CACNA2D3: variants seen among roughly 807,000 people sequenced by gnomAD.
CACNA2D3 encodes the protein calcium voltage-gated channel auxiliary subunit alpha2delta 3.
In CACNA2D3, 60 loss-of-function variants were observed where a neutral mutation model predicts 160.6. That is an observed-to-expected ratio of 0.37 (90% confidence interval 0.30 to 0.46). The LOEUF is 0.46. Ranked by LOEUF, CACNA2D3 falls within the 20% of genes least tolerant of loss-of-function variation. The pLI, the probability that CACNA2D3 is intolerant of heterozygous loss-of-function variation, is 1.00. For missense variants in CACNA2D3, 1,205 were observed against 1,365.0 expected (o/e 0.88, Z 1.85); for synonymous variants, 558 against 492.9 (o/e 1.13, Z -1.75).
At chr3:54,332,691 A>C (rs1348903586) in intron 3 of CACNA2D3, among the ~76,000 whole-genome samples, 2 of 152,114 alleles carry the variant, frequency 1.3e-5, no homozygotes, top group East Asian at 3.9e-4. Flanking sequence ...TTGAGAGTAG[A>C]GGTGCAATTT....
chr3:54,216,134 C>CGTGTGTGTGT lies in CACNA2D3; in HGVS notation c.204+92551_204+92560dup, dbSNP rs35251785. On this transcript the variant is annotated intron_variant, in intron 2 of 37. Transcript: ENST00000474759. ...ACACTACCCTGCAATTTTAGTTGTA[C>CGTGTGTGTGT]GTGTGTGTGTGTGTGTGTGTATGGT... Among the ~76,000 whole-genome samples the CGTGTGTGTGT allele has an allele frequency of 8.0e-3, 1,199 of 149,490 alleles. 5 individuals carry two copies. Among genetic ancestry groups the CGTGTGTGTGT allele is most frequent in the Non-Finnish European group, 0.013 (893 of 67,254 alleles).
At chr3:54,894,579 G>A (rs762227832) in intron 25 of CACNA2D3, 1 of 513,600 alleles carries the variant, frequency 1.9e-6, no homozygotes. Context: ...GCATAGACAG[G>A]GCACCTCTTA....
At chr3:54,932,154 G>C (rs1435375111) in intron 27 of CACNA2D3, among the ~76,000 whole-genome samples, 1 of 152,036 alleles carries the variant, frequency 6.6e-6, no homozygotes, top group Non-Finnish European at 1.5e-5. Context: ...ACAGCAGCCT[G>C]GGCAACAGAG....
intron 11 of CACNA2D3, among the ~76,000 whole-genome samples, chr3:54,747,479 G>A (rs1412480995): frequency 6.6e-6 from 1 of 152,160 alleles, no homozygotes; most frequent in Non-Finnish European, 1.5e-5. Flanking sequence ...GGACAGCCAG[G>A]TTGAGTGCAC....
chr3:54,406,080 T>A (rs1315402745), intron 4 of CACNA2D3, among the ~76,000 whole-genome samples: 1 of 152,220 alleles, frequency 6.6e-6, no homozygotes, highest in East Asian at 1.9e-4. Context: ...AAGGAAACTC[T>A]TGTATGCTGT....
chr3:54,549,226 C>T (rs1371758705), intron 5 of CACNA2D3, among the ~76,000 whole-genome samples: 1 of 152,134 alleles, frequency 6.6e-6, no homozygotes, highest in East Asian at 1.9e-4. Flanking sequence ...GCGGGCGGAT[C>T]ACGAGGTCGG....
rs72876027 is a variant in CACNA2D3 at position 54,879,581 on chromosome 3, G to T, written c.1844+170G>T. Among the ~76,000 whole-genome samples, 66 of 152,204 alleles carry T rather than the reference G, an allele frequency of 4.3e-4. 1 individual carries two copies. The Middle Eastern group carries it at 0.024, about 55-fold the overall frequency. Reference sequence around the variant, plus strand: ...CCAGGCTGCTTTTGTTTTCCAGAAGGGGGGGAGATGGTTCAGGCTCACCTA... The same window carrying T: ...CCAGGCTGCTTTTGTTTTCCAGAAGTGGGGGAGATGGTTCAGGCTCACCTA... On this transcript the variant is annotated intron_variant, in intron 20 of 37. Coordinates refer to ENST00000474759, the MANE Select transcript of CACNA2D3 (RefSeq NM_018398.3).
Position 54,736,101 on chromosome 3 carries a change from A to G in CACNA2D3, c.1168-16498A>G, listed in dbSNP as rs1232421227. On this transcript the variant is annotated intron_variant, in intron 11 of 37. Coordinates refer to ENST00000474759, the MANE Select transcript of CACNA2D3 (RefSeq NM_018398.3). ...TATATATGTATGTGTATATATATACATATATATGTATATATATACATATAT... is the reference window on the plus strand; with the variant it reads ...TATATATGTATGTGTATATATATACGTATATATGTATATATATACATATAT... Among the ~76,000 whole-genome samples the G allele has an allele frequency of 1.9e-3, 33 of 16,956 alleles. 2 individuals are homozygous for G. Among genetic ancestry groups the G allele is most frequent in the East Asian group, 7.5e-3 (10 of 1,340 alleles). 11.1% of individuals were successfully genotyped at this position (16,956 alleles called of 152,430 possible).
intron 4 of CACNA2D3, among the ~76,000 whole-genome samples, chr3:54,502,333 A>G (rs1701307820): frequency 6.6e-6 from 1 of 151,402 alleles, no homozygotes; most frequent in Admixed American, 6.6e-5. Flanking sequence ...TTCTTTTTGC[A>G]TTTCTTTTTG....
intron 35 of CACNA2D3, among the ~76,000 whole-genome samples, chr3:55,023,879 G>A (rs1219512485): frequency 6.6e-6 from 1 of 150,980 alleles, no homozygotes; most frequent in Non-Finnish European, 1.5e-5. Context: ...GCCTCAGAGA[G>A]TGCCAGATTA....
At chr3:54,822,832 T>TTTCTTTTCTCTCTTTCTTTC (rs1553874401) in intron 14 of CACNA2D3, among the ~76,000 whole-genome samples, 1 of 57,982 alleles carries the variant, frequency 1.7e-5, no homozygotes, top group African/African-American at 8.7e-5. Flanking sequence ...TCTTTCTTTC[T>TTTCTTTTCTCTCTTTCTTTC]TTTCTTTCTT....
At chr3:54,742,510 G>C (rs1027497725) in intron 11 of CACNA2D3, among the ~76,000 whole-genome samples, 6 of 152,148 alleles carry the variant, frequency 3.9e-5, no homozygotes, top group Admixed American at 3.9e-4. Context: ...CTCAATATGG[G>C]GGTATCCAAT....
At chr3:54,177,924 T>C (rs1700706535) in intron 2 of CACNA2D3, 1 of 152,170 alleles carries the variant, frequency 6.6e-6, no homozygotes, top group African/African-American at 2.4e-5. Flanking sequence ...TAAGAAGGAT[T>C]ACCTTATTCA....
chr3:54,429,454 G>A (rs1345876624), intron 4 of CACNA2D3, among the ~76,000 whole-genome samples: 1 of 151,938 alleles, frequency 6.6e-6, no homozygotes, highest in African/African-American at 2.4e-5. Flanking sequence ...TGGGGAGGAG[G>A]GACTGGGTAG....
chr3:54,567,979 A>T (rs1158959307), intron 6 of CACNA2D3, among the ~76,000 whole-genome samples: 1 of 152,200 alleles, frequency 6.6e-6, no homozygotes, highest in East Asian at 1.9e-4. Flanking sequence ...ACAGGGCAAA[A>T]AGATATTCAG....
At chr3:54,718,593 T>C (rs1471605448) in intron 11 of CACNA2D3, among the ~76,000 whole-genome samples, 1 of 152,102 alleles carries the variant, frequency 6.6e-6, no homozygotes, top group African/African-American at 2.4e-5. Flanking sequence ...ATGTAAGTCC[T>C]AATATCTGGT....
At chr3:54,610,058 A>G (rs1293258007) in intron 9 of CACNA2D3, among the ~76,000 whole-genome samples, 1 of 152,016 alleles carries the variant, frequency 6.6e-6, no homozygotes, top group African/African-American at 2.4e-5. Flanking sequence ...CTTGGCATCT[A>G]GATGCATCAC....
At chr3:54,383,332 C>G (rs563760953) in intron 3 of CACNA2D3, among the ~76,000 whole-genome samples, 6 of 152,182 alleles carry the variant, frequency 3.9e-5, no homozygotes, top group African/African-American at 1.4e-4. Flanking sequence ...AGGGCATCTT[C>G]TGAGTTCTCT....
At chr3:54,173,873 G>A (rs760540684) in intron 2 of CACNA2D3, among the ~76,000 whole-genome samples, 1 of 152,266 alleles carries the variant, frequency 6.6e-6, no homozygotes, top group Non-Finnish European at 1.5e-5. Context: ...GAGTGTCAGC[G>A]TGGTTTGTAA....
Sources: gnomAD v4.1 joint callset for allele counts (sites outside exome capture counted in the v4.1 genomes callset) on GRCh38, gnomAD v4.1.1 for gene constraint, MANE v1.5 for transcripts, NCBI Gene and HGNC (gene_info 2026-07-23, HGNC 2026-07-21) for gene names.